PDSS2: variants seen among roughly 807,000 people sequenced by gnomAD.
PDSS2 encodes decaprenyl diphosphate synthase subunit 2.
In PDSS2, 31 loss-of-function variants were observed where a neutral mutation model predicts 44.5. The ratio of observed to expected loss-of-function variants is 0.70; its 90% CI spans 0.52 to 0.94. The LOEUF is 0.94. PDSS2 is among the 40% of genes least tolerant of loss of function. PDSS2 has a pLI of 0.00. For missense variants in PDSS2, 452 were observed against 482.2 expected (o/e 0.94, Z 0.59); for synonymous variants, 157 against 180.3 (o/e 0.87, Z 1.03).
At chr6:107,178,869 TAAC>T (rs993752067) in intron 7 of PDSS2, among the ~76,000 whole-genome samples, 1 of 151,880 alleles carries the variant, frequency 6.6e-6, no homozygotes, top group Non-Finnish European at 1.5e-5. Flanking sequence ...AAAAAACAAA[TAAC>T]AAAAGAGAAT....
intron 4 of PDSS2, among the ~76,000 whole-genome samples, chr6:107,234,354 T>C (rs1774156308): frequency 6.6e-6 from 1 of 152,060 alleles, no homozygotes; most frequent in Admixed American, 6.6e-5. Context: ...TATAGGCGCG[T>C]GCCACTATGC....
At chr6:107,223,605 A>G (rs1412629553) in intron 4 of PDSS2, among the ~76,000 whole-genome samples, 2 of 150,968 alleles carry the variant, frequency 1.3e-5, no homozygotes, top group Non-Finnish European at 2.9e-5. Context: ...CCAGCCACAC[A>G]TGGGAGGCTG....
At chr6:107,161,349 G>A (rs938156042) in intron 7 of PDSS2, among the ~76,000 whole-genome samples, 4 of 151,904 alleles carry the variant, frequency 2.6e-5, no homozygotes, top group African/African-American at 7.2e-5. Context: ...GCGTGGTGCC[G>A]GGCGCCTGTA....
At chr6:107,384,653 A>C (rs1779556107) in intron 1 of PDSS2, among the ~76,000 whole-genome samples, 1 of 151,234 alleles carries the variant, frequency 6.6e-6, no homozygotes, top group Admixed American at 6.6e-5. Flanking sequence ...AAACCAAAAA[A>C]AAACACAAAA....
intron 3 of PDSS2, among the ~76,000 whole-genome samples, chr6:107,245,950 T>G (rs1290776763): frequency 6.6e-6 from 1 of 152,214 alleles, no homozygotes; most frequent in Admixed American, 6.5e-5. Flanking sequence ...TTTCTGCATG[T>G]TTATTTCTGT....
chr6:107,189,782 G>A (rs1415632204), intron 7 of PDSS2, among the ~76,000 whole-genome samples: 2 of 152,140 alleles, frequency 1.3e-5, no homozygotes, highest in African/African-American at 4.8e-5. Flanking sequence ...CCATTTTCCA[G>A]TGGAAATCTC....
At chr6:107,402,540 T>TAC (rs1369652780) in intron 1 of PDSS2, among the ~76,000 whole-genome samples, 3 of 16,634 alleles carry the variant, frequency 1.8e-4, no homozygotes, top group Non-Finnish European at 5.0e-4. Context: ...ATTTTATATA[T>TAC]ATATATATAT....
At chr6:107,159,451 C>T (rs1180835248) in intron 7 of PDSS2, among the ~76,000 whole-genome samples, 1 of 143,540 alleles carries the variant, frequency 7.0e-6, no homozygotes, top group Non-Finnish European at 1.5e-5. Context: ...GAGTCTTGCT[C>T]TGTTGCCCAG....
intron 7 of PDSS2, among the ~76,000 whole-genome samples, chr6:107,189,823 A>G (rs1772306961): frequency 6.6e-6 from 1 of 151,770 alleles, no homozygotes; most frequent in African/African-American, 2.4e-5. Context: ...GTGATAAGAA[A>G]CCCCAGAGGC....
At chr6:107,371,250 A>T (rs538118433) in intron 1 of PDSS2, among the ~76,000 whole-genome samples, 1 of 152,280 alleles carries the variant, frequency 6.6e-6, no homozygotes, top group African/African-American at 2.4e-5. Context: ...ACTGTAAAAC[A>T]TCATTAAGAA....
intron 1 of PDSS2, among the ~76,000 whole-genome samples, chr6:107,440,265 T>C (rs1781475256): frequency 6.6e-6 from 1 of 152,238 alleles, no homozygotes; most frequent in South Asian, 2.1e-4. Context: ...CTACCAACAC[T>C]ACCATCTGTG....
chr6:107,385,616 T>G (rs1002606237), intron 1 of PDSS2, among the ~76,000 whole-genome samples: 1 of 152,212 alleles, frequency 6.6e-6, no homozygotes, highest in Non-Finnish European at 1.5e-5. Context: ...CTTTTGCCCA[T>G]GTACTCAGTA....
intron 1 of PDSS2, among the ~76,000 whole-genome samples, chr6:107,377,479 G>A (rs1229936871): frequency 2.0e-5 from 3 of 152,122 alleles, no homozygotes; most frequent in South Asian, 2.1e-4. Flanking sequence ...ACAGTGTGGC[G>A]ATTCCTCAGG....
chr6:107,254,882 T>C (rs1325974435), intron 3 of PDSS2, among the ~76,000 whole-genome samples: 1 of 149,330 alleles, frequency 6.7e-6, no homozygotes, highest in Non-Finnish European at 1.5e-5. Flanking sequence ...TTTTTTTTTT[T>C]AGATGGAGTC....
intron 1 of PDSS2, among the ~76,000 whole-genome samples, chr6:107,375,436 G>A (rs940750831): frequency 1.3e-5 from 2 of 152,122 alleles, no homozygotes; most frequent in Admixed American, 1.3e-4. Flanking sequence ...GATAATAAAA[G>A]CATATTACAA....
chr6:107,347,656 T>C (rs1778296512), intron 1 of PDSS2, among the ~76,000 whole-genome samples: 1 of 152,166 alleles, frequency 6.6e-6, no homozygotes, highest in African/African-American at 2.4e-5. Flanking sequence ...TTGGGCAGAA[T>C]GTGAATTTCT....
chr6:107,262,566 AT>A (rs1158528297), intron 3 of PDSS2, among the ~76,000 whole-genome samples: 2 of 151,964 alleles, frequency 1.3e-5, no homozygotes, highest in Non-Finnish European at 2.9e-5. Flanking sequence ...AGGTCAGGAG[AT>A]CAAGACCATC....
intron 4 of PDSS2, among the ~76,000 whole-genome samples, chr6:107,243,803 T>C (rs1313519094): frequency 6.6e-6 from 1 of 152,170 alleles, no homozygotes; most frequent in Non-Finnish European, 1.5e-5. Context: ...TGCCTAACTG[T>C]TGCATTTTCC....
chr6:107,430,115 TG>T (rs1426488925), intron 1 of PDSS2, among the ~76,000 whole-genome samples: 2 of 151,730 alleles, frequency 1.3e-5, no homozygotes, highest in Non-Finnish European at 2.9e-5. Context: ...TTCTATTTTG[TG>T]GGGGTTTATA....
Sources: allele counts gnomAD v4.1 joint callset (sites outside exome capture counted in the v4.1 genomes callset), GRCh38; gene constraint gnomAD v4.1.1; transcripts MANE v1.5; gene names NCBI Gene and HGNC (gene_info 2026-07-23, HGNC 2026-07-21).